ESYT3: variants seen among roughly 807,000 people sequenced by gnomAD.
ESYT3 encodes extended synaptotagmin-3.
In ESYT3, 101 loss-of-function variants were observed where a neutral mutation model predicts 111.5. The observed-to-expected ratio is 0.91, with a 90% confidence interval of 0.77 to 1.07. The LOEUF is 1.07. Among genes scored for constraint, ESYT3 ranks in the 50% least tolerant of loss-of-function variants. The pLI is 0.00. For synonymous variants in ESYT3, 416 were observed against 446.8 expected, an observed-to-expected ratio of 0.93 and a Z score of 0.87; for missense variants, 1,097 against 1,109.4, an observed-to-expected ratio of 0.99 and a Z score of 0.16.
intron 6 of ESYT3, among the ~76,000 whole-genome samples, chr3:138,460,239 G>A (rs1041093350): frequency 6.6e-6 from 1 of 152,198 alleles, no homozygotes; most frequent in African/African-American, 2.4e-5. Flanking sequence ...TAAGCTCAGA[G>A]AAGGTCACAC....
Position 138,457,508 on chromosome 3 carries a change from C to G in ESYT3, c.505-60C>G. ...ACAAAGCCCAGTGCCGGGGGGAGAGCTGGCAGCTGTCCCCTGCTACAAGAA... is the reference window on the plus strand; with the variant it reads ...ACAAAGCCCAGTGCCGGGGGGAGAGGTGGCAGCTGTCCCCTGCTACAAGAA... On this transcript the variant is annotated intron_variant, in intron 3 of 22. Coordinates refer to ENST00000389567, the MANE Select transcript of ESYT3 (RefSeq NM_031913.5). 3 of 1,498,758 alleles carry G rather than the reference C, an allele frequency of 2.0e-6. No individual in the cohort carries two copies. In the South Asian group the frequency reaches 3.4e-5, roughly 17 times the overall value. The allele number at this position is 1,498,758 out of a possible 1,614,324, so 92.8% of individuals were successfully genotyped here. A position where few individuals can be genotyped will look rare whatever the true frequency, so the allele number is the denominator to read the frequency against.
chr3:138,453,845 G>C (rs946404876), intron 2 of ESYT3, among the ~76,000 whole-genome samples: 17 of 152,174 alleles, frequency 1.1e-4, no homozygotes, highest in African/African-American at 4.1e-4. Flanking sequence ...AATGTTCTCT[G>C]TTCTTTTGCT....
At chr3:138,464,256 C>A in intron 8 of ESYT3, 89 bp from the exon 9 acceptor site, 1 of 1,447,502 alleles carries the variant, frequency 6.9e-7, no homozygotes. Context: ...ATGGGGGCAG[C>A]AGTGATCTCT....
chr3:138,454,509 G>A (rs961112814), intron 2 of ESYT3, among the ~76,000 whole-genome samples: 1 of 149,972 alleles, frequency 6.7e-6, no homozygotes, highest in African/African-American at 2.5e-5. Flanking sequence ...GTGAGCCGAG[G>A]TCGTGCCATT....
intron 2 of ESYT3, 32 bp from the exon 3 acceptor site, chr3:138,455,157 AGACCT>A: frequency 6.2e-7 from 1 of 1,612,834 alleles, no homozygotes; most frequent in African/African-American, 1.3e-5. Flanking sequence ...GTGGGGGTAC[AGACCT>A]GACTACCAAG....
rs1203235799 is a variant in ESYT3 at position 138,434,848 on chromosome 3, C to T, written c.50C>T (p.Ala17Val). ...CAPGAPSALG[A>V]QRTPGPELRL... is the part of the protein sequence containing the mutation. ...CCCGGGGCCCCCAGCGCCCTGGGAG[C>T]CCAGCGCACGCCGGGCCCCGAGCTG... Residue 17 changes from alanine (A) to valine (V), a missense_variant, in exon 1 of 23, where the codon GCC becomes GTC. Ala to Val is a moderately conservative substitution (Grantham distance 64). Transcript: ENST00000389567. The T allele has an allele frequency of 1.0e-5, 16 of 1,550,716 alleles. No individual in the cohort carries two copies. The highest frequency in any genetic ancestry group is 1.4e-5 in the African/African-American group (1 of 73,178).
At position 138,440,921 on chromosome 3, in the gene ESYT3, G is replaced by A. The variant is rs2031097381; in HGVS notation, c.327+5796G>A. Among the ~76,000 whole-genome samples, 1 of 152,224 alleles carries A rather than the reference G, an allele frequency of 6.6e-6. No homozygotes were observed. The highest frequency in any genetic ancestry group is 2.1e-4 in the South Asian group (1 of 4,834). The stretch of plus-strand genomic sequence containing the variant: ...GGCAGCATGAGTACACATGGCCCCT[G>A]CCCTTGAGGAACCCATGAGCTAGAT... On this transcript the variant is annotated intron_variant, in intron 1 of 22. Transcript: ENST00000389567. This position sits in a 1 kb window ranked among gnomAD's most constrained non-coding sequence, Gnocchi z 4.2.
At position 138,476,470 on chromosome 3, in the gene ESYT3, C is replaced by G. The variant is rs1576473722; in HGVS notation, c.2602C>G (p.Leu868Val). The change falls in exon 22 of 23, where the codon CTG becomes GTG. Residue 868 changes from leucine (L) to valine (V), a missense_variant. By Grantham distance (32) the Leu-to-Val change is conservative (BLOSUM62 1). Coordinates refer to ENST00000389567, the MANE Select transcript of ESYT3 (RefSeq NM_031913.5). ...ACTGATTGACTTATCAAAAGAAGAT[C>G]TGATTAAGGGCTTTTCACAATGGTA... ...KVLIDLSKED[L>V]IKGFSQWYEL... 1 of 1,613,798 alleles carries G rather than the reference C, an allele frequency of 6.2e-7. No homozygotes were observed. Among genetic ancestry groups the G allele is most frequent in the South Asian group, 1.1e-5 (1 of 91,058 alleles).
chr3:138,460,540 T>G, intron 6 of ESYT3, 71 bp from the exon 7 acceptor site: 1 of 1,526,608 alleles, frequency 6.6e-7, no homozygotes, highest in East Asian at 2.3e-5. Context: ...GGTGTGAGGC[T>G]CTTGGCAGGG....
downstream of ESYT3, chr3:138,480,682 C>A (rs550154205): frequency 6.6e-6 from 1 of 152,146 alleles, no homozygotes; most frequent in Non-Finnish European, 1.5e-5. Context: ...AGCTATGCCA[C>A]GTTTGAGGTT....
chr3:138,454,868 A>G (rs1237108971), intron 2 of ESYT3, among the ~76,000 whole-genome samples: 1 of 152,152 alleles, frequency 6.6e-6, no homozygotes, highest in East Asian at 1.9e-4. Flanking sequence ...GTAGAATGAG[A>G]TTATGTTTTA....
chr3:138,460,668 T>C lies in ESYT3; in HGVS notation c.794+2T>C, dbSNP rs1018490639. 15 of 1,613,774 alleles carry C rather than the reference T, an allele frequency of 9.3e-6. No individual in the cohort carries two copies. The highest frequency in any genetic ancestry group is 1.2e-5 in the Non-Finnish European group (14 of 1,179,862). On this transcript the variant is annotated splice_donor_variant, in intron 7 of 22. Coordinates refer to ENST00000389567, the MANE Select transcript of ESYT3 (RefSeq NM_031913.5). LOFTEE classifies it high-confidence loss of function. ...CCTGCTGGATGCGCCGGGAATCAAGTAGGTGCCTGGGAGAGCCTCGAGGGA... is the reference window on the plus strand; with the variant it reads ...CCTGCTGGATGCGCCGGGAATCAAGCAGGTGCCTGGGAGAGCCTCGAGGGA...
At chr3:138,462,819 C>T (rs969854020) in intron 8 of ESYT3, among the ~76,000 whole-genome samples, 5 of 152,058 alleles carry the variant, frequency 3.3e-5, no homozygotes, top group African/African-American at 1.2e-4. Flanking sequence ...TGCACTACCA[C>T]GCCTGGCTAA....
intron 11 of ESYT3, 23 bp downstream of exon 11, chr3:138,467,632 TC>T (rs756232723): frequency 8.7e-6 from 14 of 1,613,102 alleles, no homozygotes; most frequent in Middle Eastern, 1.7e-4. Flanking sequence ...CTTGCAACCC[TC>T]GGGGGAGTTT....
At chr3:138,460,506 A>G in intron 6 of ESYT3, 105 bp from the exon 7 acceptor site, 10 of 1,251,932 alleles carry the variant, frequency 8.0e-6, no homozygotes, top group Non-Finnish European at 1.0e-5. Context: ...CCCACCCTGG[A>G]AGGCTGGGTT....
intron 16 of ESYT3, chr3:138,470,588 G>A: frequency 8.4e-7 from 1 of 1,195,194 alleles, no homozygotes; most frequent in Non-Finnish European, 1.0e-6. Context: ...CCTGAGCCCT[G>A]CCTGGAGAGC....
chr3:138,454,736 CG>C (rs2032165584), intron 2 of ESYT3, among the ~76,000 whole-genome samples: 1 of 152,182 alleles, frequency 6.6e-6, no homozygotes, highest in Non-Finnish European at 1.5e-5. Flanking sequence ...CTGCAGAAAT[CG>C]GGCAAAGGCT....
chr3:138,437,540 G>A (rs905873490), intron 1 of ESYT3, among the ~76,000 whole-genome samples: 3 of 152,190 alleles, frequency 2.0e-5, no homozygotes, highest in African/African-American at 7.2e-5. Flanking sequence ...GCTGGGCCTG[G>A]CTGAAGTGTG....
chr3:138,437,739 G>A (rs942246750), intron 1 of ESYT3, among the ~76,000 whole-genome samples: 5 of 152,156 alleles, frequency 3.3e-5, no homozygotes, highest in African/African-American at 1.2e-4. Context: ...TAGTAATGAG[G>A]GAGGAGAGTG....
Sources: gnomAD v4.1 joint callset for allele counts (sites outside exome capture counted in the v4.1 genomes callset) on GRCh38, gnomAD v4.1.1 for gene constraint, Gnocchi (gnomAD v3.1) non-coding constraint, MANE v1.5 for transcripts, NCBI Gene and HGNC (gene_info 2026-07-23, HGNC 2026-07-21) for gene names.